The following HRAS variants were observed in gnomAD, a reference collection of about 807,000 sequenced individuals.
HRAS encodes the protein HRas proto-oncogene, GTPase.
Under a neutral mutation model 19.8 loss-of-function variants are expected in HRAS, and 11 were observed. The observed-to-expected ratio is 0.55, with a 90% CI of 0.35 to 0.92. The LOEUF (loss-of-function observed/expected upper bound fraction) is 0.92. HRAS is among the 40% of genes least tolerant of loss of function. The pLI is 0.01. For missense variants in HRAS, 204 were observed against 255.9 expected (o/e 0.80, Z 1.38); for synonymous variants, 149 against 105.5 (o/e 1.41, Z -2.52).
In HRAS at chr11:532,535, C is replaced by G; in HGVS notation, c.*6-13G>C. ...TCCTGAGCTTGTGCTGGGCGGGGCA[C>G]AAGGGAGGCTGCTGACCGCAGGCCA... On this transcript the variant is annotated splice_polypyrimidine_tract_variant and intron_variant, in intron 5 of 5. Coordinates refer to ENST00000311189, the MANE Select transcript of HRAS (RefSeq NM_005343.4). The G allele has an allele frequency of 2.0e-6, 3 of 1,512,730 alleles. No individual in the cohort carries two copies. The South Asian group carries it at 3.6e-5, about 18-fold the overall frequency. 93.7% of individuals were successfully genotyped at this position (1,512,730 alleles called of 1,614,324 possible). A position where few individuals can be genotyped will look rare whatever the true frequency, so the allele number is the denominator to read the frequency against.
At position 533,435 on chromosome 11, in the gene HRAS, G is replaced by T; in HGVS notation, c.450+18C>A. On this transcript the variant is annotated intron_variant, in intron 4 of 5. Transcript: ENST00000311189. ...GGGGCGGGTCCCTGGCTAGCTGTGG[G>T]GTGGAGAGCTGCCTCACCTGCCGGG... The T allele has an allele frequency of 2.5e-6, 4 of 1,612,278 alleles. No homozygotes were observed. The highest frequency in any genetic ancestry group is 2.5e-6 in the Non-Finnish European group (3 of 1,179,908).
rs1044461340 is a variant in HRAS, at chr11:532,522, G to C, written c.*6C>G. ...CGGCACCTCCATGTCCTGAGCTTGT[G>C]CTGGGCGGGGCACAAGGGAGGCTGC... is the stretch of plus-strand genomic sequence containing the variant. On this transcript the variant is annotated splice_region_variant and 3_prime_UTR_variant, in exon 6 of 6. Transcript: ENST00000311189. 11 of 1,421,254 alleles carry C rather than the reference G, an allele frequency of 7.7e-6. No homozygotes were observed. Among genetic ancestry groups the C allele is most frequent in the Non-Finnish European group, 9.6e-6 (10 of 1,045,568 alleles). 88.0% of individuals were successfully genotyped at this position (1,421,254 alleles called of 1,614,324 possible).
intron 4 of HRAS, among the ~76,000 whole-genome samples, 169 bp from the exon 5 acceptor site, chr11:532,924 G>A (rs141563653): frequency 2.6e-5 from 4 of 152,200 alleles, no homozygotes; most frequent in Non-Finnish European, 5.9e-5. Flanking sequence ...CCATCTCGAA[G>A]TGCCCAGGGC....
Position 532,766 on chromosome 11 carries a change from AGGGAT to A in HRAS, c.451-16_451-12del. The A allele has an allele frequency of 6.2e-7, 1 of 1,611,938 alleles. No homozygotes were observed. The highest frequency in any genetic ancestry group is 8.5e-7 in the Non-Finnish European group (1 of 1,179,848). ...GGCATCCTCCACTCCCTGGGAAAGG[AGGGAT>A]GGGATCAGGAGGGACCGGCCTGTGG... On this transcript the variant is annotated splice_polypyrimidine_tract_variant and intron_variant, in intron 4 of 5. Coordinates refer to ENST00000311189, the MANE Select transcript of HRAS (RefSeq NM_005343.4).
intron 4 of HRAS, among the ~76,000 whole-genome samples, chr11:533,097 G>A (rs543332590): frequency 1.2e-4 from 19 of 152,348 alleles, no homozygotes; most frequent in African/African-American, 4.3e-4. Flanking sequence ...ACAGGTGCCC[G>A]TGGGACACTC....
intron 4 of HRAS, chr11:533,143 T>C (rs1374384694): frequency 2.5e-6 from 2 of 815,050 alleles, no homozygotes; most frequent in Non-Finnish European, 3.8e-6. Flanking sequence ...GGGTCACCGC[T>C]CCGGCCTGGC....
At chr11:533,194 C>G in intron 4 of HRAS, 1 of 1,247,160 alleles carries the variant, frequency 8.0e-7, no homozygotes, top group South Asian at 1.4e-5. Flanking sequence ...TTCCCCGGAG[C>G]TGTGTCGGCC....
chr11:534,369 G>T lies in HRAS; in HGVS notation c.-47C>A. The T allele has an allele frequency of 1.4e-6, 2 of 1,468,658 alleles. No homozygotes were observed. Among genetic ancestry groups the T allele is most frequent in the Non-Finnish European group, 1.9e-6 (2 of 1,062,332 alleles). 91.0% of individuals were successfully genotyped at this position (1,468,658 alleles called of 1,614,324 possible). ...CCGGGGTCCTCCTACAGGGTCTCCT[G>T]CCCCACCTGCCAAGGAGGGCCCTGC... On this transcript the variant is annotated 5_prime_UTR_variant, in exon 2 of 6. Transcript: ENST00000311189.
Position 534,302 on chromosome 11 carries a change from C to G in HRAS, c.21G>C (p.Val7=), listed in dbSNP as rs1851321186. The G allele has an allele frequency of 1.2e-6, 2 of 1,613,228 alleles. No individual in the cohort carries two copies. The highest frequency in any genetic ancestry group is 1.7e-6 in the Non-Finnish European group (2 of 1,179,896). Residue 7 remains valine (V), a synonymous_variant, in exon 2 of 6, where the codon GTG becomes GTC. Transcript: ENST00000311189. Reference sequence around the variant, plus strand: ...TGCCCACACCGCCGGCGCCCACCACCACCAGCTTATATTCCGTCATCGCTC... The same window carrying G: ...TGCCCACACCGCCGGCGCCCACCACGACCAGCTTATATTCCGTCATCGCTC... The part of the protein sequence containing the change: MTEYKL[V]VVGAGGVGKS...
Position 532,732 on chromosome 11 carries a change from CG to C in HRAS, c.473del (p.Thr158SerfsTer14). 1 of 1,613,088 alleles carries C rather than the reference CG, an allele frequency of 6.2e-7. No individual in the cohort carries two copies. The part of the protein sequence containing the change: ...TRQGVEDAFY[T>X]LVREIRQHKL... ...TGTGCTGCCGGATCTCACGCACCAA[CG>C]TGTAGAAGGCATCCTCCACTCCCTG... On this transcript the variant is annotated frameshift_variant, in exon 5 of 6. Coordinates refer to ENST00000311189, the MANE Select transcript of HRAS (RefSeq NM_005343.4). LOFTEE classifies it high-confidence loss of function.
chr11:533,411 G>GGGCGGGTCCC, intron 4 of HRAS, 42 bp downstream of exon 4: 1 of 1,609,620 alleles, frequency 6.2e-7, no homozygotes, highest in Non-Finnish European at 8.5e-7. Flanking sequence ...GGGCGGGGCG[G>GGGCGGGTCCC]GGCGGGTCCC....
chr11:533,174 G>A, intron 4 of HRAS: 1 of 1,078,788 alleles, frequency 9.3e-7, no homozygotes, highest in Non-Finnish European at 1.3e-6. Context: ...TCTCCCCAAG[G>A]ACCTCCGCCT....
Position 532,397 on chromosome 11 carries a change from G to A in HRAS, c.*131C>T. ...CCTGGGAGGGTCTGCAGTCACCTCG[G>A]CCCACGGTCCCGGGGTGACTGGGCT... On this transcript the variant is annotated 3_prime_UTR_variant, in exon 6 of 6. Transcript: ENST00000311189. 2 of 611,306 alleles carry A rather than the reference G, an allele frequency of 3.3e-6. No homozygotes were observed. The highest frequency in any genetic ancestry group is 5.7e-6 in the Non-Finnish European group (2 of 348,148). The allele number at this position is 611,306 out of a possible 1,614,324, so 37.9% of individuals were successfully genotyped here.
rs1245589172 is a variant in HRAS at position 535,424 on chromosome 11, G to C, written c.-62C>G. 5.4e-5 allele frequency: 8 copies of C among 146,988 alleles called. No individual in the cohort carries two copies. The highest frequency in any genetic ancestry group is 2.7e-4 in the Admixed American group (4 of 14,710). 9.1% of individuals were successfully genotyped at this position (146,988 alleles called of 1,614,324 possible). A position where few individuals can be genotyped will look rare whatever the true frequency, so the allele number is the denominator to read the frequency against. On this transcript the variant is annotated 5_prime_UTR_variant, in exon 1 of 6. Coordinates refer to ENST00000311189, the MANE Select transcript of HRAS (RefSeq NM_005343.4). ...TCCCTGCCCGCACTCACCGTTCACA[G>C]GCGCGACTGCCCCCGGGGCCAGGGC... is the stretch of plus-strand genomic sequence containing the variant.
At chr11:535,380 G>C (rs1021122025) in intron 1 of HRAS, 36 bp downstream of exon 1, 23 of 147,172 alleles carry the variant, frequency 1.6e-4, no homozygotes, top group African/African-American at 5.4e-4. Flanking sequence ...GGGGCGAGGA[G>C]GGCGCGCGGC....
Position 532,516 on chromosome 11 carries a change from G to A in HRAS, c.*12C>T. On this transcript the variant is annotated 3_prime_UTR_variant, in exon 6 of 6. Coordinates refer to ENST00000311189, the MANE Select transcript of HRAS (RefSeq NM_005343.4). ...TGCATCCGGCACCTCCATGTCCTGA[G>A]CTTGTGCTGGGCGGGGCACAAGGGA... The A allele has an allele frequency of 5.8e-6, 8 of 1,369,256 alleles. No individual in the cohort carries two copies. In the South Asian group the frequency reaches 7.6e-5, roughly 13 times the overall value. 84.8% of individuals were successfully genotyped at this position (1,369,256 alleles called of 1,614,324 possible). A position where few individuals can be genotyped will look rare whatever the true frequency, so the allele number is the denominator to read the frequency against.
intron 4 of HRAS, 43 bp from the exon 5 acceptor site, chr11:532,798 C>T (rs1248746379): frequency 4.4e-6 from 7 of 1,599,206 alleles, no homozygotes; most frequent in Non-Finnish European, 6.0e-6. Context: ...GGCCTGTGGC[C>T]GCCTGCCTGG....
intron 2 of HRAS, 22 bp from the exon 3 acceptor site, chr11:533,966 G>A (rs753221782): frequency 2.5e-6 from 4 of 1,607,066 alleles, no homozygotes; most frequent in Non-Finnish European, 3.4e-6. Context: ...CAGGGCTCAG[G>A]GACCCCCTCA....
At chr11:533,137 C>T (rs1851209144) in intron 4 of HRAS, 2 of 774,572 alleles carry the variant, frequency 2.6e-6, no homozygotes. Flanking sequence ...GCCCCAGGGT[C>T]ACCGCTCCGG....
Sources: gnomAD v4.1 joint callset for allele counts (sites outside exome capture counted in the v4.1 genomes callset) on GRCh38, gnomAD v4.1.1 for gene constraint, MANE v1.5 for transcripts, NCBI Gene and HGNC (gene_info 2026-07-23, HGNC 2026-07-21) for gene names.